CCDC102B: variants seen among roughly 807,000 people sequenced by gnomAD.
The protein encoded by CCDC102B is coiled-coil domain containing 102B, also known as coiled-coil domain-containing protein 102B.
CCDC102B carries 75 observed loss-of-function variants against 57.4 expected under a neutral mutation model. The observed-to-expected ratio is 1.31, with a 90% CI of 1.08 to 1.58. The LOEUF (loss-of-function observed/expected upper bound fraction) is 1.58. CCDC102B is among the 40% of genes most tolerant of loss of function. CCDC102B has a pLI of 0.00. For synonymous variants in CCDC102B, 206 were observed against 201.9 expected (o/e 1.02, Z -0.17); for missense variants, 636 against 582.6 (o/e 1.09, Z -0.94).
Position 69,027,969 on chromosome 18 carries a change from C to T in CCDC102B, c.1434+16865C>T, listed in dbSNP as rs1372483176. ...ACTGTGTCCCAGGTCCTCAATGAGG[C>T]AACCATGGTATAATAGTAATAGAAT... On this transcript the variant is annotated intron_variant, in intron 7 of 7. Transcript: ENST00000360242. Among the ~76,000 whole-genome samples, 6 of 152,246 alleles carry T rather than the reference C, an allele frequency of 3.9e-5. No homozygotes were observed. In the South Asian group the frequency reaches 6.2e-4, roughly 16 times the overall value.
intron 6 of CCDC102B, among the ~76,000 whole-genome samples, chr18:68,906,530 A>G (rs1039578979): frequency 6.6e-6 from 1 of 152,114 alleles, no homozygotes. Flanking sequence ...TTTTTGAATT[A>G]TACTCATCCC....
At chr18:68,904,837 T>C (rs573095897) in intron 6 of CCDC102B, among the ~76,000 whole-genome samples, 4 of 152,266 alleles carry the variant, frequency 2.6e-5, no homozygotes, top group African/African-American at 9.6e-5. Context: ...AAGAATAAAT[T>C]AGTGATAAGA....
At position 68,838,713 on chromosome 18, in the gene CCDC102B, G is replaced by C; in HGVS notation, c.614G>C (p.Gly205Ala). 6.2e-7 allele frequency: 1 copy of C among 1,613,620 alleles called. No homozygotes were observed. Among genetic ancestry groups the C allele is most frequent in the Non-Finnish European group, 8.5e-7 (1 of 1,179,690 alleles). ...GTTTTGTTTTGTCTTCAGGAACAAGGTGTGGTTATTGATTCTCTAAAATTA... is the reference window on the plus strand; with the variant it reads ...GTTTTGTTTTGTCTTCAGGAACAAGCTGTGGTTATTGATTCTCTAAAATTA... ...TKEDTNNKEQ[G>A]VVIDSLKLSE... Residue 205 changes from glycine to alanine, a missense_variant, in exon 3 of 8, where the codon GGT (glycine) becomes GCT (alanine). Gly to Ala is a moderately conservative substitution (Grantham distance 60). Coordinates refer to ENST00000360242, the MANE Select transcript of CCDC102B (RefSeq NM_024781.3).
chr18:68,885,553 T>G (rs2039854074), intron 5 of CCDC102B, among the ~76,000 whole-genome samples: 1 of 152,086 alleles, frequency 6.6e-6, no homozygotes, highest in Non-Finnish European at 1.5e-5. Context: ...ATTATCAGAC[T>G]TCTCAACAAG....
intron 1 of CCDC102B, among the ~76,000 whole-genome samples, chr18:68,805,228 G>A (rs1274825795): frequency 6.6e-6 from 1 of 152,168 alleles, no homozygotes; most frequent in Admixed American, 6.5e-5. Context: ...AAATTTTGAA[G>A]ATAGCTAATG....
intron 6 of CCDC102B, among the ~76,000 whole-genome samples, chr18:69,009,923 G>T (rs1423535670): frequency 5.7e-4 from 22 of 38,484 alleles, no homozygotes; most frequent in Middle Eastern, 0.033. Context: ...TTTTAATAAA[G>T]ATTTTTTTTT....
chr18:68,966,829 C>CA (rs2050176751), intron 6 of CCDC102B, among the ~76,000 whole-genome samples: 1 of 152,088 alleles, frequency 6.6e-6, no homozygotes, highest in South Asian at 2.1e-4. Flanking sequence ...TGGATTCCTG[C>CA]CCCTCCCTCC....
At chr18:68,813,181 TTCTC>T (rs142421359) in intron 1 of CCDC102B, among the ~76,000 whole-genome samples, 24 of 149,592 alleles carry the variant, frequency 1.6e-4, no homozygotes, top group African/African-American at 4.9e-4. Context: ...CATTTCCCAC[TTCTC>T]TCTCTCTCTC....
intron 6 of CCDC102B, among the ~76,000 whole-genome samples, chr18:68,931,494 T>TG (rs1027386028): frequency 6.6e-6 from 1 of 151,388 alleles, no homozygotes; most frequent in Non-Finnish European, 1.5e-5. Context: ...TTTTTTCGGT[T>TG]GGGGGGTGTG....
chr18:68,751,462 G>A (rs1164279074), intron 2 of CCDC102B, among the ~76,000 whole-genome samples: 2 of 152,124 alleles, frequency 1.3e-5, no homozygotes, highest in East Asian at 3.9e-4. Flanking sequence ...TGTAAACAGA[G>A]AAATCACCAA....
At chr18:68,915,924 C>T (rs1421062806) in intron 6 of CCDC102B, among the ~76,000 whole-genome samples, 1 of 152,140 alleles carries the variant, frequency 6.6e-6, no homozygotes, top group African/African-American at 2.4e-5. Context: ...GTTGCAATCC[C>T]TCTCCTTGTT....
At chr18:68,727,908 G>A (rs985420094) in intron 2 of CCDC102B, among the ~76,000 whole-genome samples, 2 of 152,186 alleles carry the variant, frequency 1.3e-5, no homozygotes, top group African/African-American at 4.8e-5. Context: ...TTTCAATTTG[G>A]TCTAGCAAGT....
At chr18:68,773,829 G>C (rs986643673) in intron 2 of CCDC102B, among the ~76,000 whole-genome samples, 1 of 151,710 alleles carries the variant, frequency 6.6e-6, no homozygotes, top group African/African-American at 2.4e-5. Context: ...CTGATTTCTT[G>C]AACAATGAAA....
At chr18:68,839,948 G>C (rs913298562) in intron 3 of CCDC102B, among the ~76,000 whole-genome samples, 1 of 152,174 alleles carries the variant, frequency 6.6e-6, no homozygotes, top group Admixed American at 6.6e-5. Context: ...ATAAGGGTGT[G>C]TGGGATGCAG....
chr18:68,867,624 C>T (rs1421264894), intron 4 of CCDC102B, among the ~76,000 whole-genome samples: 2 of 152,044 alleles, frequency 1.3e-5, no homozygotes, highest in Non-Finnish European at 2.9e-5. Flanking sequence ...TAATCTATCC[C>T]AGCTAGAGGG....
At chr18:68,856,880 C>T (rs2038411161) in intron 4 of CCDC102B, among the ~76,000 whole-genome samples, 1 of 149,166 alleles carries the variant, frequency 6.7e-6, no homozygotes, top group South Asian at 2.1e-4. Context: ...TATATATACA[C>T]ATATGTTGTG....
chr18:68,768,329 G>T (rs540466423), intron 2 of CCDC102B, among the ~76,000 whole-genome samples: 1 of 152,162 alleles, frequency 6.6e-6, no homozygotes, highest in African/African-American at 2.4e-5. Context: ...TTCTGCCAGA[G>T]GATACTCTTG....
intron 7 of CCDC102B, 193 bp downstream of exon 7, chr18:69,011,297 TA>T: frequency 1.8e-6 from 1 of 571,196 alleles, no homozygotes; most frequent in Non-Finnish European, 3.0e-6. Flanking sequence ...GTGGCGGTAA[TA>T]GTATATGTTT....
intron 5 of CCDC102B, among the ~76,000 whole-genome samples, chr18:68,895,106 T>C (rs1302463055): frequency 1.3e-5 from 2 of 151,828 alleles, no homozygotes; most frequent in Non-Finnish European, 2.9e-5. Context: ...GATAGAAACT[T>C]TAAGTATTAA....
Sources: allele counts gnomAD v4.1 joint callset (sites outside exome capture counted in the v4.1 genomes callset), GRCh38; gene constraint gnomAD v4.1.1; transcripts MANE v1.5; gene names NCBI Gene and HGNC (gene_info 2026-07-23, HGNC 2026-07-21).